Variants in L3MBTL4 observed in about 807,000 individuals in gnomAD.
The protein encoded by L3MBTL4 is lethal(3)malignant brain tumor-like protein 4.
Under a neutral mutation model 84.5 loss-of-function variants are expected in L3MBTL4, and 70 were observed. The ratio of observed to expected loss-of-function variants is 0.83; its 90% CI spans 0.68 to 1.01. L3MBTL4 has a LOEUF of 1.01. Ranked by LOEUF, L3MBTL4 falls within the 50% of genes least tolerant of loss-of-function variation. The pLI, the probability that L3MBTL4 is intolerant of heterozygous loss-of-function variation, is 0.00. For synonymous variants in L3MBTL4, 274 were observed against 259.8 expected, an observed-to-expected ratio of 1.05 and a Z score of -0.52; for missense variants, 715 against 754.8, an observed-to-expected ratio of 0.95 and a Z score of 0.62.
At chr18:5,975,363 G>A (rs561313876) in intron 16 of L3MBTL4, among the ~76,000 whole-genome samples, 5 of 152,152 alleles carry the variant, frequency 3.3e-5, no homozygotes, top group Admixed American at 1.3e-4. Flanking sequence ...AAATGCAGTC[G>A]GTCCCCAAAT....
chr18:6,116,503 A>G (rs1159351841), intron 14 of L3MBTL4, among the ~76,000 whole-genome samples: 3 of 151,698 alleles, frequency 2.0e-5, no homozygotes, highest in Non-Finnish European at 4.4e-5. Flanking sequence ...ATCTAGGATT[A>G]CCGGCATGCA....
At chr18:6,098,018 T>G (rs1295766003) in intron 14 of L3MBTL4, among the ~76,000 whole-genome samples, 2 of 152,190 alleles carry the variant, frequency 1.3e-5, no homozygotes, top group East Asian at 3.9e-4. Context: ...TCTTCCTATG[T>G]GGCTCTGATT....
At chr18:6,335,625 C>T (rs142799864) in intron 1 of L3MBTL4, among the ~76,000 whole-genome samples, 73 of 152,176 alleles carry the variant, frequency 4.8e-4, no homozygotes, top group African/African-American at 1.7e-3. Context: ...TATAATCCCC[C>T]TAATCCTCCA....
chr18:5,967,047 C>T (rs1165908965), intron 17 of L3MBTL4, among the ~76,000 whole-genome samples: 1 of 152,186 alleles, frequency 6.6e-6, no homozygotes, highest in African/African-American at 2.4e-5. Context: ...TTATTCTCTA[C>T]AGATCTGTGC....
chr18:6,214,844 A>G (rs2046258383), intron 11 of L3MBTL4, among the ~76,000 whole-genome samples: 1 of 152,140 alleles, frequency 6.6e-6, no homozygotes, highest in Non-Finnish European at 1.5e-5. Context: ...TACTTTTCAG[A>G]ATTTTATTTT....
At chr18:6,183,400 G>A (rs546618488) in intron 12 of L3MBTL4, among the ~76,000 whole-genome samples, 23 of 152,292 alleles carry the variant, frequency 1.5e-4, no homozygotes, top group African/African-American at 5.1e-4. Flanking sequence ...CGTGGCCGAC[G>A]CTGCGCCTTC....
chr18:6,099,027 A>G (rs1218942992), intron 14 of L3MBTL4, among the ~76,000 whole-genome samples: 4 of 152,194 alleles, frequency 2.6e-5, no homozygotes, highest in Non-Finnish European at 2.9e-5. Context: ...AGGAAGAGGT[A>G]TATGCTGCCT....
intron 12 of L3MBTL4, among the ~76,000 whole-genome samples, chr18:6,201,367 A>G (rs1456248484): frequency 6.6e-6 from 1 of 152,182 alleles, no homozygotes; most frequent in Non-Finnish European, 1.5e-5. Context: ...TTCCCAGTGA[A>G]CGAGAGGGAA....
rs1417888765 is a variant in L3MBTL4 at position 6,073,107 on chromosome 18, T to C, written c.1444+7774A>G. 2.0e-5 allele frequency among the ~76,000 whole-genome samples: 3 copies of C among 150,170 alleles called. No homozygotes were observed. In the East Asian group the frequency reaches 5.9e-4, roughly 29 times the overall value. On this transcript the variant is annotated intron_variant, in intron 16 of 18. Coordinates refer to ENST00000317931, the MANE Select transcript of L3MBTL4 (RefSeq NM_001330559.2). Reference sequence around the variant, plus strand: ...TCAACACAGCCAAAAATTGGTCCATTGTAAAGATAAGTAAACCTTTAGCAG... The same window carrying C: ...TCAACACAGCCAAAAATTGGTCCATCGTAAAGATAAGTAAACCTTTAGCAG...
chr18:6,156,288 A>G (rs928940280), intron 13 of L3MBTL4, among the ~76,000 whole-genome samples: 2 of 152,300 alleles, frequency 1.3e-5, no homozygotes, highest in African/African-American at 2.4e-5. Context: ...CATCATGGCC[A>G]TAAGTGTAGA....
At chr18:6,389,520 A>G (rs892414447) in intron 1 of L3MBTL4, among the ~76,000 whole-genome samples, 6 of 152,200 alleles carry the variant, frequency 3.9e-5, no homozygotes, top group Admixed American at 3.9e-4. Context: ...TGCTTAAAAA[A>G]AAATCACAAA....
intron 4 of L3MBTL4, among the ~76,000 whole-genome samples, chr18:6,291,313 T>C (rs1228830739): frequency 3.3e-5 from 5 of 152,328 alleles, no homozygotes; most frequent in Middle Eastern, 6.8e-3. Context: ...CAAATTGTAC[T>C]GCTGATCCCT....
At chr18:6,040,092 A>C (rs1034669553) in intron 16 of L3MBTL4, among the ~76,000 whole-genome samples, 1 of 152,226 alleles carries the variant, frequency 6.6e-6, no homozygotes, top group Non-Finnish European at 1.5e-5. Flanking sequence ...GGCCAGAAGA[A>C]TATAGAAAGA....
chr18:6,226,051 G>C (rs1478836862), intron 10 of L3MBTL4, among the ~76,000 whole-genome samples: 1 of 152,114 alleles, frequency 6.6e-6, no homozygotes, highest in Non-Finnish European at 1.5e-5. Flanking sequence ...GACATAAAAA[G>C]TGCTGAAAAT....
At chr18:5,985,349 A>G (rs1242673358) in intron 16 of L3MBTL4, among the ~76,000 whole-genome samples, 1 of 152,038 alleles carries the variant, frequency 6.6e-6, no homozygotes, top group East Asian at 1.9e-4. Flanking sequence ...TGGGGCAAAA[A>G]TCTCTGCTTG....
intron 14 of L3MBTL4, among the ~76,000 whole-genome samples, chr18:6,135,194 C>A (rs2059995111): frequency 6.6e-6 from 1 of 152,124 alleles, no homozygotes; most frequent in Non-Finnish European, 1.5e-5. Context: ...AAACAGGGTA[C>A]CAAGACTCTA....
intron 1 of L3MBTL4, among the ~76,000 whole-genome samples, chr18:6,370,151 AAAAG>A (rs1393746943): frequency 2.0e-5 from 3 of 150,716 alleles, no homozygotes; most frequent in Non-Finnish European, 2.9e-5. Flanking sequence ...AAAAAAAAAA[AAAAG>A]AAAGCACTGA....
chr18:6,075,027 A>G (rs982605689), intron 16 of L3MBTL4, among the ~76,000 whole-genome samples: 1 of 152,132 alleles, frequency 6.6e-6, no homozygotes, highest in Admixed American at 6.6e-5. Context: ...AAACTACATC[A>G]AGCATCAATT....
intron 10 of L3MBTL4, among the ~76,000 whole-genome samples, chr18:6,222,949 TTATAA>T (rs11281784): frequency 0.044 from 6,391 of 145,608 alleles, 282 homozygotes; most frequent in African/African-American, 0.12. Context: ...AATTTTTCTA[TTATAA>T]TATAATATAA....
Sources: allele counts gnomAD v4.1 joint callset (sites outside exome capture counted in the v4.1 genomes callset), GRCh38; gene constraint gnomAD v4.1.1; transcripts MANE v1.5; gene names NCBI Gene and HGNC (gene_info 2026-07-23, HGNC 2026-07-21).